The following ATP10B variants were observed in gnomAD, a reference collection of about 807,000 sequenced individuals.
ATP10B encodes the protein ATPase phospholipid transporting 10B (putative), also known as phospholipid-transporting ATPase VB.
ATP10B carries 122 observed loss-of-function variants against 141.2 expected under a neutral mutation model. That is an observed-to-expected ratio of 0.86 (90% CI 0.75 to 1.00). ATP10B has a LOEUF of 1.00. Among genes scored for constraint, ATP10B ranks in the 50% least tolerant of loss-of-function variants. The pLI is 0.00. For synonymous variants in ATP10B, 685 were observed against 692.0 expected, an observed-to-expected ratio of 0.99 and a Z score of 0.16; for missense variants, 1,876 against 1,825.3, an observed-to-expected ratio of 1.03 and a Z score of -0.51.
intron 22 of ATP10B, among the ~76,000 whole-genome samples, chr5:160,592,035 C>A (rs1756340144): frequency 6.6e-6 from 1 of 152,200 alleles, no homozygotes; most frequent in African/African-American, 2.4e-5. Context: ...TCCCTCGATC[C>A]AGCTTCTTGC....
rs373327305 is a variant in ATP10B, at chr5:160,670,550, G to A, written c.588C>T (p.Pro196=). The change falls in exon 7 of 26, where the codon CCC becomes CCT. Residue 196 remains proline, a synonymous_variant. Coordinates refer to ENST00000327245, the MANE Select transcript of ATP10B (RefSeq NM_025153.3). The part of the protein sequence containing the change: ...ADILLLFSSD[P]NGICHLETAS... ...CAGTTTCCAGATGGCATATCCCATT[G>A]GGGTCAGAGGAAAAAAGGAGGAGTA... 2.8e-5 allele frequency: 45 copies of A among 1,613,850 alleles called. No individual in the cohort carries two copies. Among genetic ancestry groups the A allele is most frequent in the Non-Finnish European group, 3.6e-5 (43 of 1,179,960 alleles).
At chr5:160,898,956 A>C in the ATP10B span, among the ~76,000 whole-genome samples, 8 of 149,446 alleles carry the variant, frequency 5.4e-5, no homozygotes, top group African/African-American at 2.0e-4. Context: ...AGACACATGG[A>C]CACAGGGAGG....
intron 17 of ATP10B, 22 bp from the exon 18 acceptor site, chr5:160,612,947 G>A: frequency 1.2e-6 from 2 of 1,600,428 alleles, no homozygotes; most frequent in Non-Finnish European, 1.7e-6. Context: ...AAAAACAACA[G>A]AGTTCACATT....
At chr5:160,572,086 A>G (rs1754909492) in intron 24 of ATP10B, among the ~76,000 whole-genome samples, 1 of 152,202 alleles carries the variant, frequency 6.6e-6, no homozygotes, top group South Asian at 2.1e-4. Flanking sequence ...ATAGTTGCCA[A>G]TACCCTTAAG....
intron 24 of ATP10B, 22 bp downstream of exon 24, chr5:160,589,570 A>G: frequency 6.3e-7 from 1 of 1,591,882 alleles, no homozygotes. Flanking sequence ...TTTTGAAGCC[A>G]AAGGGGCTCT....
chr5:160,681,812 A>C (rs1763416147), intron 6 of ATP10B, among the ~76,000 whole-genome samples: 1 of 152,230 alleles, frequency 6.6e-6, no homozygotes, highest in Non-Finnish European at 1.5e-5. Context: ...ATCAGTTAAA[A>C]GTCAGGTTAT....
the ATP10B span, among the ~76,000 whole-genome samples, chr5:160,894,600 G>A: frequency 1.3e-5 from 2 of 152,106 alleles, no homozygotes; most frequent in African/African-American, 4.8e-5. Flanking sequence ...AAAGTGATGG[G>A]GAGAATGGAA....
chr5:160,745,666 C>T (rs968309281), intron 2 of ATP10B, among the ~76,000 whole-genome samples: 17 of 152,280 alleles, frequency 1.1e-4, no homozygotes, highest in African/African-American at 3.8e-4. Context: ...ACTTAGTGAC[C>T]CTGGACTGCC....
intron 25 of ATP10B, 110 bp from the exon 26 acceptor site, chr5:160,566,010 C>T (rs1371394632): frequency 3.9e-6 from 4 of 1,013,448 alleles, no homozygotes; most frequent in South Asian, 3.3e-5. Context: ...GCAAGATCCT[C>T]TTTACTGCTA....
Position 160,604,033 on chromosome 5 carries a change from C to T in ATP10B, c.3169G>A (p.Ala1057Thr). 4 of 1,613,800 alleles carry T rather than the reference C, an allele frequency of 2.5e-6. No individual in the cohort carries two copies. Among genetic ancestry groups the T allele is most frequent in the Non-Finnish European group, 8.5e-7 (1 of 1,179,838 alleles). ...RVMTLSIGDG[A>T]NDVSMIQAAD... ...GCTTGAATCATGCTTACATCATTTG[C>T]TCCATCACCTGAAAGAGAGGTCATA... The change falls in exon 20 of 26, where the codon GCA becomes ACA. Residue 1057 changes from alanine (A) to threonine (T), a missense_variant. Transcript: ENST00000327245.
At chr5:160,752,348 G>C (rs1658239332) in intron 2 of ATP10B, among the ~76,000 whole-genome samples, 1 of 152,104 alleles carries the variant, frequency 6.6e-6, no homozygotes, top group African/African-American at 2.4e-5. Context: ...GGTTACAGAA[G>C]CAGCTTGTGA....
chr5:160,624,682 A>G lies in ATP10B; in HGVS notation c.1621-2097T>C, dbSNP rs552776844. Among the ~76,000 whole-genome samples, 55 of 152,256 alleles carry G rather than the reference A, an allele frequency of 3.6e-4. No homozygotes were observed. In the South Asian group the frequency reaches 0.011, roughly 32 times the overall value. On this transcript the variant is annotated intron_variant, in intron 13 of 25. Transcript: ENST00000327245. ...GAAACTCTTCTTACCTTCCCAAGCA[A>G]TGTCATTTATATAACCTCATCAGAT...
chr5:160,747,195 G>A (rs187708953), intron 2 of ATP10B, among the ~76,000 whole-genome samples: 52 of 152,212 alleles, frequency 3.4e-4, no homozygotes, highest in Admixed American at 7.8e-4. Flanking sequence ...CAGGCTAAAG[G>A]ACAGTCACCA....
intron 2 of ATP10B, among the ~76,000 whole-genome samples, chr5:160,733,648 AAC>A (rs572081533): frequency 5.4e-5 from 8 of 146,890 alleles, no homozygotes; most frequent in South Asian, 2.2e-4. Flanking sequence ...ACATATGTGT[AAC>A]ACATATATGT....
chr5:160,772,687 G>A (rs1769992152), intron 2 of ATP10B, among the ~76,000 whole-genome samples: 1 of 152,156 alleles, frequency 6.6e-6, no homozygotes. Context: ...ACAGGGGGTG[G>A]AGCTCAGGCA....
In ATP10B at chr5:160,773,364, A is replaced by G. The variant is rs552067992; in HGVS notation, c.-331+12195T>C. 7.2e-5 allele frequency among the ~76,000 whole-genome samples: 11 copies of G among 152,350 alleles called. No individual in the cohort carries two copies. The East Asian group carries it at 2.1e-3, about 29-fold the overall frequency. On this transcript the variant is annotated intron_variant, in intron 2 of 25. Transcript: ENST00000327245. ...GAGCCTGAAAACAGGCTGGATGGGT[A>G]GGAAGTCTGGGTACCAGCCACATGC...
intron 2 of ATP10B, among the ~76,000 whole-genome samples, chr5:160,783,549 CA>C (rs1770905831): frequency 9.0e-6 from 1 of 111,552 alleles, no homozygotes; most frequent in Non-Finnish European, 1.8e-5. Flanking sequence ...ATATATATAT[CA>C]TATATATATG....
intron 21 of ATP10B, among the ~76,000 whole-genome samples, chr5:160,601,161 A>C: frequency 6.6e-6 from 1 of 152,200 alleles, no homozygotes; most frequent in East Asian, 1.9e-4. Context: ...ACTTGCTGAG[A>C]TAATATTACC....
the ATP10B span, among the ~76,000 whole-genome samples, chr5:160,874,549 G>T: frequency 4.6e-5 from 7 of 152,256 alleles, no homozygotes; most frequent in East Asian, 3.9e-4. Context: ...ACTTTGACGA[G>T]CTGAGAGAAG....
Sources: allele counts gnomAD v4.1 joint callset (sites outside exome capture counted in the v4.1 genomes callset), GRCh38; gene constraint gnomAD v4.1.1; transcripts MANE v1.5; gene names NCBI Gene and HGNC (gene_info 2026-07-23, HGNC 2026-07-21).